The following CCDC60 variants were observed in gnomAD, a reference collection of about 807,000 sequenced individuals.
The protein encoded by CCDC60 is coiled-coil domain containing 60.
A neutral mutation model predicts 63.5 loss-of-function variants in CCDC60; 54 were observed. That is an observed-to-expected ratio of 0.85 (90% CI 0.68 to 1.07). The LOEUF is 1.07. Among genes scored for constraint, CCDC60 ranks in the 50% least tolerant of loss-of-function variants. The pLI is 0.00. For synonymous variants in CCDC60, 206 were observed against 238.8 expected (o/e 0.86, Z 1.27); for missense variants, 651 against 684.3 (o/e 0.95, Z 0.54).
rs554227669 is a variant in CCDC60, at chr12:119,524,874, C to T, written c.1229+1056C>T. Among the ~76,000 whole-genome samples the T allele has an allele frequency of 2.6e-5, 4 of 151,726 alleles. 1 individual carries two copies. In the South Asian group the frequency reaches 8.3e-4, roughly 32 times the overall value. ...ACAGATAGGGTCTTGCTATATTTTC[C>T]AGGCTGGTGTCAAACTCCTGGCCTC... On this transcript the variant is annotated intron_variant, in intron 11 of 13. Transcript: ENST00000327554.
chr12:119,482,009 A>ATATATATGTATATATATGTATATATAG (rs774808817), intron 4 of CCDC60, among the ~76,000 whole-genome samples: 662 of 40,644 alleles, frequency 0.016, 26 homozygotes, highest in African/African-American at 0.038. Flanking sequence ...TATATATAGT[A>ATATATATGTATATATATGTATATATAG]TATATATATG....
intron 1 of CCDC60, among the ~76,000 whole-genome samples, chr12:119,338,895 G>A (rs906106694): frequency 2.0e-5 from 3 of 152,160 alleles, no homozygotes; most frequent in South Asian, 2.1e-4. Flanking sequence ...AAAGGGTCTC[G>A]AAGCCCTCTG....
intron 1 of CCDC60, among the ~76,000 whole-genome samples, chr12:119,397,040 C>T (rs1007816701): frequency 1.3e-5 from 2 of 151,790 alleles, no homozygotes; most frequent in African/African-American, 4.8e-5. Flanking sequence ...CTTCACAGTG[C>T]ATTTTACAGC....
chr12:119,537,619 T>C (rs1246741280), intron 13 of CCDC60, among the ~76,000 whole-genome samples: 13 of 151,932 alleles, frequency 8.6e-5, no homozygotes, highest in Non-Finnish European at 4.4e-5. Context: ...TTTTTGTTGA[T>C]GTTGATGCTA....
chr12:119,393,460 A>G (rs571608238), intron 1 of CCDC60, among the ~76,000 whole-genome samples: 4 of 152,154 alleles, frequency 2.6e-5, no homozygotes, highest in African/African-American at 7.2e-5. Flanking sequence ...CCCGAATTGT[A>G]TTTATTTTGT....
intron 1 of CCDC60, among the ~76,000 whole-genome samples, chr12:119,399,645 G>A (rs749332525): frequency 2.6e-5 from 4 of 152,276 alleles, no homozygotes; most frequent in South Asian, 2.1e-4. Flanking sequence ...GAGGGGCTAC[G>A]TTCTCCCTAA....
At chr12:119,504,655 G>A (rs1951944128) in intron 6 of CCDC60, among the ~76,000 whole-genome samples, 1 of 152,156 alleles carries the variant, frequency 6.6e-6, no homozygotes. Context: ...CCAAAACCAA[G>A]ATGTGGTTAA....
At chr12:119,518,579 A>G (rs1351621843) in intron 8 of CCDC60, among the ~76,000 whole-genome samples, 1 of 152,252 alleles carries the variant, frequency 6.6e-6, no homozygotes, top group African/African-American at 2.4e-5. Flanking sequence ...TTATCCCTGT[A>G]AAATATTACT....
intron 12 of CCDC60, 73 bp from the exon 13 acceptor site, chr12:119,530,801 T>C (rs772036494): frequency 1.0e-5 from 13 of 1,275,778 alleles, no homozygotes; most frequent in African/African-American, 1.5e-5. Flanking sequence ...AAAGAGAAAG[T>C]GGAGATGGAT....
chr12:119,362,847 C>A (rs1277051846), intron 1 of CCDC60, among the ~76,000 whole-genome samples: 2 of 152,114 alleles, frequency 1.3e-5, no homozygotes, highest in Non-Finnish European at 2.9e-5. Flanking sequence ...GCCTATAATC[C>A]CAGCACTTTG....
intron 1 of CCDC60, among the ~76,000 whole-genome samples, chr12:119,354,077 TC>T (rs1250564916): frequency 4.0e-5 from 4 of 99,764 alleles, no homozygotes; most frequent in Admixed American, 1.3e-4. Context: ...TCTCTCTCTC[TC>T]GTCTCTCTCC....
intron 1 of CCDC60, among the ~76,000 whole-genome samples, chr12:119,353,362 AT>A (rs1955676451): frequency 6.6e-6 from 1 of 152,168 alleles, no homozygotes; most frequent in African/African-American, 2.4e-5. Context: ...TCCAAAGGAA[AT>A]CAAATAATGT....
intron 1 of CCDC60, among the ~76,000 whole-genome samples, chr12:119,370,181 A>G (rs1167885476): frequency 6.6e-6 from 1 of 152,144 alleles, no homozygotes; most frequent in East Asian, 1.9e-4. Context: ...AAACAACACA[A>G]TCCATTTTAA....
At chr12:119,496,657 C>T (rs967724099) in intron 5 of CCDC60, among the ~76,000 whole-genome samples, 16 of 152,184 alleles carry the variant, frequency 1.1e-4, no homozygotes, top group African/African-American at 2.4e-4. Context: ...TTCATCTTCA[C>T]GGCAATCCTT....
intron 1 of CCDC60, among the ~76,000 whole-genome samples, chr12:119,336,646 C>A (rs927905842): frequency 1.3e-5 from 2 of 152,160 alleles, no homozygotes; most frequent in Non-Finnish European, 2.9e-5. Flanking sequence ...AATTGCTTAG[C>A]CTCTCTGAGG....
chr12:119,439,443 CA>C (rs1240689582), intron 2 of CCDC60, among the ~76,000 whole-genome samples: 6 of 152,168 alleles, frequency 3.9e-5, no homozygotes, highest in African/African-American at 9.7e-5. Context: ...CAGCTACAGT[CA>C]GAAAGGAAAT....
chr12:119,384,504 C>G (rs1956040265), intron 1 of CCDC60, among the ~76,000 whole-genome samples: 1 of 152,154 alleles, frequency 6.6e-6, no homozygotes, highest in African/African-American at 2.4e-5. Flanking sequence ...AGTGTCAGCC[C>G]CACTGACAGC....
In CCDC60 at chr12:119,505,155, TG is replaced by T. The variant is rs764338861; in HGVS notation, c.741del (p.Ser248ProfsTer7). ...CCACACTCAGTCTGAGTCGGGCCAGTGGGGGGTCCTCTCCCCAGAGCAGCAT... is the reference window on the plus strand; with the variant it reads ...CCACACTCAGTCTGAGTCGGGCCAGTGGGGGTCCTCTCCCCAGAGCAGCAT... The part of the protein sequence containing the change: ...GSTLSLSRAS[G>X]GSSPQSSMIS... On this transcript the variant is annotated frameshift_variant, in exon 7 of 14. Transcript: ENST00000327554. LOFTEE classifies it high-confidence loss of function. 6.2e-6 allele frequency: 10 copies of T among 1,614,054 alleles called. No homozygotes were observed. The Admixed American group carries it at 1.2e-4, about 19-fold the overall frequency.
At chr12:119,537,246 G>A (rs1252100868) in intron 13 of CCDC60, among the ~76,000 whole-genome samples, 3 of 152,132 alleles carry the variant, frequency 2.0e-5, no homozygotes, top group Admixed American at 1.3e-4. Context: ...TTGTGCCTTG[G>A]TTTTCAGCTC....
Sources: gnomAD v4.1 joint callset for allele counts (sites outside exome capture counted in the v4.1 genomes callset) on GRCh38, gnomAD v4.1.1 for gene constraint, MANE v1.5 for transcripts, NCBI Gene and HGNC (gene_info 2026-07-23, HGNC 2026-07-21) for gene names.